HTR1F: variants seen among roughly 807,000 people sequenced by gnomAD.
The protein encoded by HTR1F is 5-hydroxytryptamine receptor 1F.
In HTR1F, 17 loss-of-function variants were observed where a neutral mutation model predicts 24.0. The observed-to-expected ratio is 0.71, with a 90% CI of 0.48 to 1.06. The LOEUF (loss-of-function observed/expected upper bound fraction) is 1.06. HTR1F is among the 50% of genes least tolerant of loss of function. The pLI, the probability that HTR1F is intolerant of heterozygous loss-of-function variation, is 0.00. For synonymous variants in HTR1F, 186 were observed against 156.8 expected (o/e 1.19, Z -1.39); for missense variants, 391 against 427.8 (o/e 0.91, Z 0.76).
At chr3:87,949,621 C>T (rs1440888109) in intron 2 of HTR1F, among the ~76,000 whole-genome samples, 2 of 152,198 alleles carry the variant, frequency 1.3e-5, no homozygotes, top group African/African-American at 4.8e-5. Context: ...CTTATTGCCA[C>T]TTTCAGATCT....
chr3:87,823,197 ATGTAC>A, intron 2 of HTR1F, among the ~76,000 whole-genome samples: 1 of 152,320 alleles, frequency 6.6e-6, no homozygotes, highest in Admixed American at 6.5e-5. Flanking sequence ...GATGGCAGGA[ATGTAC>A]TGTCTATTGC....
At chr3:87,915,377 A>T (rs1228100877) in intron 2 of HTR1F, among the ~76,000 whole-genome samples, 2 of 152,180 alleles carry the variant, frequency 1.3e-5, no homozygotes, top group African/African-American at 4.8e-5. Flanking sequence ...CTGAAAAAGA[A>T]TTCAGGAGGT....
At chr3:87,957,040 G>C (rs978821829) in intron 2 of HTR1F, among the ~76,000 whole-genome samples, 3 of 151,288 alleles carry the variant, frequency 2.0e-5, no homozygotes, top group Non-Finnish European at 4.4e-5. Context: ...AGTCTTAGGA[G>C]AGTACCATTA....
chr3:87,900,260 G>A (rs1272156016), intron 2 of HTR1F, among the ~76,000 whole-genome samples: 2 of 152,160 alleles, frequency 1.3e-5, no homozygotes, highest in Non-Finnish European at 2.9e-5. Flanking sequence ...CCTGAAGGGG[G>A]CAATAGAAAG....
intron 2 of HTR1F, among the ~76,000 whole-genome samples, chr3:87,945,859 C>CGGG (rs150282952): frequency 0.013 from 1,965 of 151,826 alleles, 34 homozygotes; most frequent in African/African-American, 0.045. Context: ...AAAATGTTAC[C>CGGG]GGGGGGGTCC....
intron 2 of HTR1F, among the ~76,000 whole-genome samples, chr3:87,971,774 C>T (rs771185280): frequency 6.6e-6 from 1 of 152,118 alleles, no homozygotes; most frequent in Admixed American, 6.6e-5. Flanking sequence ...GCCATGTACA[C>T]TTTTCAGCAC....
chr3:87,971,057 A>G (rs1705276483), intron 2 of HTR1F, among the ~76,000 whole-genome samples: 1 of 151,766 alleles, frequency 6.6e-6, no homozygotes, highest in Non-Finnish European at 1.5e-5. Context: ...ATCCAAAGAG[A>G]AAATAGAAAT....
chr3:87,952,705 CAAGTCACCAGG>C (rs1214216329), intron 2 of HTR1F, among the ~76,000 whole-genome samples: 1 of 151,886 alleles, frequency 6.6e-6, no homozygotes, highest in Admixed American at 6.6e-5. Flanking sequence ...TAGAATAAAG[CAAGTCACCAGG>C]AACTTTTTTA....
chr3:87,990,016 A>T (rs1705783363), intron 2 of HTR1F, among the ~76,000 whole-genome samples: 1 of 152,180 alleles, frequency 6.6e-6, no homozygotes, highest in South Asian at 2.1e-4. Flanking sequence ...AGCCTCAGTA[A>T]GTTTACTTAA....
chr3:87,925,543 T>C (rs1053931076), intron 2 of HTR1F, among the ~76,000 whole-genome samples: 1 of 152,074 alleles, frequency 6.6e-6, no homozygotes, highest in African/African-American at 2.4e-5. Context: ...AGGAGGGTCT[T>C]GGGAATGTGG....
At chr3:87,911,547 T>A (rs952798903) in intron 2 of HTR1F, among the ~76,000 whole-genome samples, 1 of 152,070 alleles carries the variant, frequency 6.6e-6, no homozygotes, top group African/African-American at 2.4e-5. Flanking sequence ...ACATTTCTAC[T>A]GAAACTATTT....
At chr3:87,875,186 C>T (rs368656418) in intron 2 of HTR1F, among the ~76,000 whole-genome samples, 2 of 152,166 alleles carry the variant, frequency 1.3e-5, no homozygotes, top group Non-Finnish European at 2.9e-5. Context: ...TGTGATGGCT[C>T]AGGCCTGTAG....
chr3:87,793,994 A>G (rs1223157873), intron 1 of HTR1F, among the ~76,000 whole-genome samples: 2 of 150,762 alleles, frequency 1.3e-5, no homozygotes, highest in African/African-American at 4.9e-5. Flanking sequence ...GAGAGAGAGA[A>G]AACAGGAAAA....
At chr3:87,891,695 C>CAAACG (rs1706090333) in intron 2 of HTR1F, among the ~76,000 whole-genome samples, 1 of 152,182 alleles carries the variant, frequency 6.6e-6, no homozygotes, top group African/African-American at 2.4e-5. Context: ...TATTTCAGGT[C>CAAACG]AAGTGATTGA....
At chr3:87,969,388 A>G (rs1214495327) in intron 2 of HTR1F, among the ~76,000 whole-genome samples, 1 of 152,230 alleles carries the variant, frequency 6.6e-6, no homozygotes, top group Non-Finnish European at 1.5e-5. Context: ...GCCCAAGACC[A>G]TGGGAACCCA....
chr3:87,818,418 T>G (rs1229262012), intron 1 of HTR1F, among the ~76,000 whole-genome samples: 2 of 152,172 alleles, frequency 1.3e-5, no homozygotes, highest in East Asian at 3.8e-4. Flanking sequence ...TAAGCCATCC[T>G]GCCAAGTACT....
At chr3:87,922,950 T>C (rs991467136) in intron 2 of HTR1F, among the ~76,000 whole-genome samples, 3 of 151,390 alleles carry the variant, frequency 2.0e-5, no homozygotes, top group African/African-American at 4.9e-5. Context: ...TTTTTATATA[T>C]AGGGAGAGAT....
chr3:87,823,880 G>A (rs1704409813), intron 2 of HTR1F, among the ~76,000 whole-genome samples: 2 of 151,986 alleles, frequency 1.3e-5, no homozygotes, highest in African/African-American at 2.4e-5. Context: ...CTAACATGGT[G>A]AAACCCTGTC....
chr3:87,988,943 T>C lies in HTR1F; in HGVS notation c.-42-1765T>C, dbSNP rs150492584. Among the ~76,000 whole-genome samples, 304 of 152,204 alleles carry C rather than the reference T, an allele frequency of 2.0e-3. 2 individuals are homozygous for C. The highest frequency in any genetic ancestry group is 7.3e-3 in the African/African-American group (302 of 41,518). ...GATTACTCATATTCTTATGAAGTAC[T>C]TGATATAAAAATTAAGTATTTTAAA... On this transcript the variant is annotated intron_variant, in intron 2 of 2. Transcript: ENST00000319595.
Sources: allele counts gnomAD v4.1 joint callset (sites outside exome capture counted in the v4.1 genomes callset), GRCh38; gene constraint gnomAD v4.1.1; transcripts MANE v1.5; gene names NCBI Gene and HGNC (gene_info 2026-07-23, HGNC 2026-07-21).